SLTM: variants seen among roughly 807,000 people sequenced by gnomAD.
SLTM encodes SAFB-like transcription modulator.
In SLTM, 43 loss-of-function variants were observed where a neutral mutation model predicts 134.6. The observed-to-expected ratio is 0.32, with a 90% confidence interval of 0.25 to 0.41. SLTM has a LOEUF of 0.41. Among genes scored for constraint, SLTM ranks in the 10% least tolerant of loss-of-function variants. SLTM has a pLI of 1.00. For synonymous variants in SLTM, 424 were observed against 432.3 expected, an observed-to-expected ratio of 0.98 and a Z score of 0.24; for missense variants, 1,055 against 1,288.8, an observed-to-expected ratio of 0.82 and a Z score of 2.78.
intron 5 of SLTM, among the ~76,000 whole-genome samples, chr15:58,908,035 G>GTGTGTGTGTGTGTA (rs1177931607): frequency 6.8e-6 from 1 of 146,794 alleles, no homozygotes; most frequent in Non-Finnish European, 1.5e-5. Flanking sequence ...GTGTGTGTGT[G>GTGTGTGTGTGTGTA]TACATATACA....
Position 58,913,404 on chromosome 15 carries a change from TTC to T in SLTM, c.513+93_513+94del, listed in dbSNP as rs1465278219. Reference sequence around the variant, plus strand: ...GCTTTAGTAACACATCTTTTAAAAATTCTGAGACTTCCAAATTGAACTAGAAA... The same window carrying T: ...GCTTTAGTAACACATCTTTTAAAAATTGAGACTTCCAAATTGAACTAGAAA... On this transcript the variant is annotated intron_variant, in intron 4 of 20. Coordinates refer to ENST00000380516, the MANE Select transcript of SLTM (RefSeq NM_024755.4). 5 of 1,053,350 alleles carry T rather than the reference TTC, an allele frequency of 4.7e-6. No homozygotes were observed. The African/African-American group carries it at 6.5e-5, about 14-fold the overall frequency. 65.3% of individuals were successfully genotyped at this position (1,053,350 alleles called of 1,614,324 possible).
intron 3 of SLTM, among the ~76,000 whole-genome samples, chr15:58,915,966 A>G (rs1292811089): frequency 2.0e-5 from 3 of 151,178 alleles, no homozygotes; most frequent in African/African-American, 7.3e-5. Context: ...TTTTCATTAA[A>G]ATAAAAAAAA....
At chr15:58,908,087 T>C (rs1273532474) in intron 5 of SLTM, among the ~76,000 whole-genome samples, 1 of 151,054 alleles carries the variant, frequency 6.6e-6, no homozygotes, top group Non-Finnish European at 1.5e-5. Context: ...GACAGAGTCT[T>C]GCTCTGTTGC....
In SLTM at chr15:58,899,641, C is replaced by A. The variant is rs749374284; in HGVS notation, c.886G>T (p.Asp296Tyr). 3 of 1,614,204 alleles carry A rather than the reference C, an allele frequency of 1.9e-6. No individual in the cohort carries two copies. Among genetic ancestry groups the A allele is most frequent in the Non-Finnish European group, 2.5e-6 (3 of 1,180,016 alleles). Reference protein sequence around the residue: ...IAQSPEKESKDYEMNANHKDG... With the variant: ...IAQSPEKESKYYEMNANHKDG... ...TTATGGTTCGCATTCATCTCATAAT[C>A]CTTGCTTTCCTTCTCCGGGCTCTGT... Residue 296 changes from aspartate (D) to tyrosine (Y), a missense_variant, in exon 7 of 21, where the codon GAT (aspartate) becomes TAT (tyrosine). Coordinates refer to ENST00000380516, the MANE Select transcript of SLTM (RefSeq NM_024755.4). The surrounding 1 kb of genome is among the most constrained non-coding windows in gnomAD (Gnocchi z 5.0).
intron 5 of SLTM, 76 bp downstream of exon 5, chr15:58,912,487 T>C (rs182771858): frequency 3.4e-6 from 4 of 1,170,760 alleles, no homozygotes; most frequent in Admixed American, 1.7e-5. Context: ...TAAAGAATTA[T>C]GAAGTCAAAA....
At chr15:58,889,938 A>T (rs2034527635) in intron 15 of SLTM, 2 of 360,280 alleles carry the variant, frequency 5.6e-6, no homozygotes. Flanking sequence ...TTGGGAAATC[A>T]TTCCCACTAT....
chr15:58,930,861 G>T (rs1160946264), intron 2 of SLTM, among the ~76,000 whole-genome samples: 2 of 151,462 alleles, frequency 1.3e-5, no homozygotes, highest in Non-Finnish European at 2.9e-5. Context: ...AGAGATAAAT[G>T]ATGTTCCTAG....
At chr15:58,926,157 T>A (rs1335202225) in intron 2 of SLTM, among the ~76,000 whole-genome samples, 2 of 152,218 alleles carry the variant, frequency 1.3e-5, no homozygotes, top group Non-Finnish European at 2.9e-5. Context: ...CTGTATTTTT[T>A]AAAATTCAAA....
intron 1 of SLTM, among the ~76,000 whole-genome samples, chr15:58,933,082 A>C (rs2037996663): frequency 2.0e-5 from 3 of 152,114 alleles, no homozygotes; most frequent in African/African-American, 7.2e-5. Context: ...AGCGCCTCCC[A>C]GGTCTCCGCG....
rs546747121 is a variant in SLTM, at chr15:58,920,955, AAAAAAAT to A, written c.251-3963_251-3957del. 2.0e-5 allele frequency among the ~76,000 whole-genome samples: 3 copies of A among 152,272 alleles called. No homozygotes were observed. The East Asian group carries it at 5.8e-4, about 29-fold the overall frequency. ...TGGCAACACAGTGAGACTCCATCTC[AAAAAAAT>A]AAAAAATAAAAAATTTTTAAAATAA... On this transcript the variant is annotated intron_variant, in intron 2 of 20. Transcript: ENST00000380516.
At position 58,880,066 on chromosome 15, in the gene SLTM, T is replaced by C; in HGVS notation, c.3038A>G (p.Asn1013Ser). ...GGAGCCACTTCCTCTTGGCATGGAA[T>C]TGCCACTGATTTGTACAATTCTATT... ...PINRIVQISG[N>S]SMPRGSGSGF... Residue 1013 changes from asparagine to serine, a missense_variant, in exon 21 of 21, where the codon AAT (asparagine) becomes AGT (serine). By Grantham distance (46) the Asn-to-Ser change is conservative (BLOSUM62 1). Coordinates refer to ENST00000380516, the MANE Select transcript of SLTM (RefSeq NM_024755.4). 1.2e-6 allele frequency: 2 copies of C among 1,614,158 alleles called. No homozygotes were observed. Among genetic ancestry groups the C allele is most frequent in the Non-Finnish European group, 1.7e-6 (2 of 1,180,016 alleles).
chr15:58,894,047 T>A lies in SLTM; in HGVS notation c.1481+43A>T, dbSNP rs762542720. 5.0e-6 allele frequency: 8 copies of A among 1,599,064 alleles called. No individual in the cohort carries two copies. The South Asian group carries it at 7.9e-5, about 16-fold the overall frequency. ...AGTACTTCATAATGTACCAAAAAAG[T>A]CTATCTGCTTATCAAAATAAATAAA... On this transcript the variant is annotated intron_variant, in intron 11 of 20. Coordinates refer to ENST00000380516, the MANE Select transcript of SLTM (RefSeq NM_024755.4).
intron 14 of SLTM, among the ~76,000 whole-genome samples, chr15:58,892,133 A>C (rs1418705905): frequency 6.6e-6 from 1 of 152,248 alleles, no homozygotes; most frequent in Non-Finnish European, 1.5e-5. Context: ...TGAATGGATG[A>C]AATCCCATGA....
intron 3 of SLTM, 21 bp from the exon 4 acceptor site, chr15:58,913,717 T>C: frequency 1.2e-6 from 2 of 1,608,908 alleles, no homozygotes; most frequent in Non-Finnish European, 8.5e-7. Context: ...TAAGAAAATT[T>C]GGTACAACTA....
chr15:58,900,091 C>T (rs186886571), intron 6 of SLTM, among the ~76,000 whole-genome samples, 154 bp from the exon 7 acceptor site: 20 of 149,394 alleles, frequency 1.3e-4, no homozygotes, highest in African/African-American at 4.7e-4. Context: ...TATTAACTAA[C>T]ATAAACCATC....
intron 2 of SLTM, among the ~76,000 whole-genome samples, chr15:58,929,269 G>C (rs1482029672): frequency 6.6e-6 from 1 of 152,122 alleles, no homozygotes; most frequent in African/African-American, 2.4e-5. Context: ...TGACCAACTG[G>C]AGAAACCCGT....
At chr15:58,919,653 C>G (rs1288256641) in intron 2 of SLTM, among the ~76,000 whole-genome samples, 1 of 152,030 alleles carries the variant, frequency 6.6e-6, no homozygotes, top group African/African-American at 2.4e-5. Flanking sequence ...ACCAAAACAT[C>G]AAATCCTCTC....
chr15:58,890,162 G>A, intron 15 of SLTM, 119 bp downstream of exon 15: 1 of 1,135,686 alleles, frequency 8.8e-7, no homozygotes, highest in Middle Eastern at 2.2e-4. Context: ...ACACTTAAAA[G>A]CTCCTTAGCT....
intron 8 of SLTM, chr15:58,897,935 G>A (rs2035212713): frequency 6.6e-6 from 1 of 152,202 alleles, no homozygotes; most frequent in Non-Finnish European, 1.5e-5. Flanking sequence ...TACAGGCCTA[G>A]CCAGTCACCC....
Sources: gnomAD v4.1 joint callset for allele counts (sites outside exome capture counted in the v4.1 genomes callset) on GRCh38, gnomAD v4.1.1 for gene constraint, Gnocchi (gnomAD v3.1) non-coding constraint, MANE v1.5 for transcripts, NCBI Gene and HGNC (gene_info 2026-07-23, HGNC 2026-07-21) for gene names.